Variants in NRF1 observed in about 807,000 individuals in gnomAD.
NRF1 encodes alpha palindromic-binding protein.
Under a neutral mutation model 58.5 loss-of-function variants are expected in NRF1, and 5 were observed. The ratio of observed to expected loss-of-function variants is 0.09; its 90% CI spans 0.04 to 0.18. NRF1 has a LOEUF of 0.18. NRF1 is among the 10% of genes least tolerant of loss of function. NRF1 has a pLI of 1.00. For synonymous variants in NRF1, 224 were observed against 246.7 expected (o/e 0.91, Z 0.86); for missense variants, 288 against 657.7 (o/e 0.44, Z 6.15).
At chr7:129,659,082 T>TTTTTTTTTG (rs1801725061) in intron 2 of NRF1, among the ~76,000 whole-genome samples, 1 of 141,762 alleles carries the variant, frequency 7.1e-6, no homozygotes, top group Non-Finnish European at 1.5e-5. Context: ...ACTTTTTTTT[T>TTTTTTTTTG]TTTTTTTTTT....
intron 10 of NRF1, among the ~76,000 whole-genome samples, chr7:129,735,632 A>G (rs1450946548): frequency 6.6e-6 from 1 of 151,882 alleles, no homozygotes; most frequent in Non-Finnish European, 1.5e-5. Context: ...TCCTCAGGGT[A>G]GCGTGTCCCA....
intron 1 of NRF1, among the ~76,000 whole-genome samples, chr7:129,653,351 T>C (rs967723611): frequency 6.6e-6 from 1 of 152,204 alleles, no homozygotes; most frequent in African/African-American, 2.4e-5. Context: ...ATAATTCCCA[T>C]ATACTTCTCT....
chr7:129,668,664 A>G (rs1004769540), intron 2 of NRF1, among the ~76,000 whole-genome samples: 1 of 152,256 alleles, frequency 6.6e-6, no homozygotes, highest in African/African-American at 2.4e-5. Flanking sequence ...AACAAAAAGG[A>G]AAAAACAACT....
chr7:129,638,116 T>C (rs961526388), intron 1 of NRF1, among the ~76,000 whole-genome samples: 30 of 151,956 alleles, frequency 2.0e-4, no homozygotes, highest in Admixed American at 1.6e-3. Flanking sequence ...TTTTTTTCAA[T>C]AGTTCACTCT....
At chr7:129,660,016 C>A (rs867188341) in intron 2 of NRF1, among the ~76,000 whole-genome samples, 3 of 152,268 alleles carry the variant, frequency 2.0e-5, no homozygotes, top group Middle Eastern at 3.4e-3. Context: ...AGGGAGGCCT[C>A]ACAATCATGG....
intron 5 of NRF1, among the ~76,000 whole-genome samples, chr7:129,691,364 A>AT (rs35512508): frequency 0.59 from 78,293 of 133,318 alleles, 23,992 homozygotes; most frequent in East Asian, 0.74. Flanking sequence ...TATTATTATT[A>AT]TTTTTTTTTT....
chr7:129,755,170 T>C lies in NRF1; in HGVS notation c.1501T>C (p.Leu501=), dbSNP rs1355153910. Residue 501 remains leucine (L), a synonymous_variant, in exon 11 of 11, where the codon TTG becomes CTG. Transcript: ENST00000393232. This position sits in a 1 kb window ranked among gnomAD's most constrained non-coding sequence, Gnocchi z 5.8. ...CGGCCAAGCTGTGGAGGTGGTGACATTGGAACAGTGACATACAGCCATATT... is the reference window on the plus strand; with the variant it reads ...CGGCCAAGCTGTGGAGGTGGTGACACTGGAACAGTGACATACAGCCATATT... The part of the protein sequence containing the change: ...MDGQAVEVVT[L]EQ 3.1e-6 allele frequency: 5 copies of C among 1,609,554 alleles called. No homozygotes were observed. Among genetic ancestry groups the C allele is most frequent in the East Asian group, 2.2e-5 (1 of 44,486 alleles).
chr7:129,728,525 A>G (rs1005216715), intron 10 of NRF1, among the ~76,000 whole-genome samples: 35 of 151,960 alleles, frequency 2.3e-4, no homozygotes, highest in Non-Finnish European at 4.9e-4. Context: ...GATAAATAAC[A>G]TACTTTCATC....
intron 1 of NRF1, among the ~76,000 whole-genome samples, chr7:129,631,001 A>C (rs1039966789): frequency 6.6e-6 from 1 of 152,090 alleles, no homozygotes; most frequent in African/African-American, 2.4e-5. Flanking sequence ...TAAATGAAAC[A>C]CTCATATGTT....
At chr7:129,683,999 A>C (rs927829955) in intron 4 of NRF1, among the ~76,000 whole-genome samples, 1 of 152,204 alleles carries the variant, frequency 6.6e-6, no homozygotes, top group Non-Finnish European at 1.5e-5. Context: ...CCAAAAATAA[A>C]AACTTAGAAG....
chr7:129,623,905 G>A (rs1800859178), intron 1 of NRF1, among the ~76,000 whole-genome samples: 1 of 152,266 alleles, frequency 6.6e-6, no homozygotes, highest in Middle Eastern at 3.4e-3. Context: ...TCCAGACATG[G>A]CGGGAGGTAG....
chr7:129,651,834 A>G (rs1801545311), intron 1 of NRF1, among the ~76,000 whole-genome samples: 1 of 152,180 alleles, frequency 6.6e-6, no homozygotes, highest in Non-Finnish European at 1.5e-5. Context: ...ATTCCCTTGG[A>G]TATTCTGAAA....
rs1802925286 is a variant in NRF1 at position 129,705,405 on chromosome 7, C to T, written c.607-3670C>T. Among the ~76,000 whole-genome samples the T allele has an allele frequency of 2.0e-5, 3 of 152,184 alleles. 1 individual carries two copies. In the South Asian group the frequency reaches 6.2e-4, roughly 31 times the overall value. On this transcript the variant is annotated intron_variant, in intron 5 of 10. Coordinates refer to ENST00000393232, the MANE Select transcript of NRF1 (RefSeq NM_005011.5). ...TCCCGGGATTAAGCGATTCTCCTGC[C>T]TCAGCCTCCTGAGTAGCTGGCATTA...
At chr7:129,672,291 A>G (rs1220751469) in intron 3 of NRF1, among the ~76,000 whole-genome samples, 1 of 145,702 alleles carries the variant, frequency 6.9e-6, no homozygotes, top group Admixed American at 7.2e-5. Context: ...CTCGTGCCTC[A>G]GCCCCCAAAA....
intron 1 of NRF1, among the ~76,000 whole-genome samples, chr7:129,612,318 C>T (rs1233251557): frequency 6.6e-6 from 1 of 151,362 alleles, no homozygotes; most frequent in Non-Finnish European, 1.5e-5. Flanking sequence ...GCGGGCGGCG[C>T]GGTGGGGCCG....
intron 3 of NRF1, among the ~76,000 whole-genome samples, chr7:129,676,880 A>C (rs1339214130): frequency 6.6e-6 from 1 of 152,268 alleles, no homozygotes; most frequent in Admixed American, 6.5e-5. Context: ...GGACAAAATT[A>C]TCTCAATGAA....
At chr7:129,693,968 A>C (rs1802628767) in intron 5 of NRF1, among the ~76,000 whole-genome samples, 1 of 152,186 alleles carries the variant, frequency 6.6e-6, no homozygotes, top group Non-Finnish European at 1.5e-5. Context: ...CAAACAGTTT[A>C]GTTATTATCA....
At position 129,741,092 on chromosome 7, in the gene NRF1, A is replaced by G. The variant is rs1015232904; in HGVS notation, c.1348+13727A>G. Among the ~76,000 whole-genome samples, 6 of 152,254 alleles carry G rather than the reference A, an allele frequency of 3.9e-5. No individual in the cohort carries two copies. The highest frequency in any genetic ancestry group is 1.9e-4 in the East Asian group (1 of 5,172). ...CTTTTTTTTGTTTTTCTGTACTTCA[A>G]TAGATGCAAATTCATTTACTCTTTG... On this transcript the variant is annotated intron_variant, in intron 10 of 10. Transcript: ENST00000393232. This position sits in a 1 kb window ranked among gnomAD's most constrained non-coding sequence, Gnocchi z 4.0.
intron 5 of NRF1, among the ~76,000 whole-genome samples, chr7:129,696,982 G>C (rs2151096316): frequency 6.6e-6 from 1 of 152,126 alleles, no homozygotes; most frequent in Middle Eastern, 3.4e-3. Context: ...GTTAGAGGAA[G>C]AAAAATAAAA....
Sources: gnomAD v4.1 joint callset for allele counts (sites outside exome capture counted in the v4.1 genomes callset) on GRCh38, gnomAD v4.1.1 for gene constraint, Gnocchi (gnomAD v3.1) non-coding constraint, MANE v1.5 for transcripts, NCBI Gene and HGNC (gene_info 2026-07-23, HGNC 2026-07-21) for gene names.